The following PCDHGB5 variants were observed in gnomAD, a reference collection of about 807,000 sequenced individuals.
The protein encoded by PCDHGB5 is protocadherin gamma subfamily B, 5, also known as protocadherin gamma-B5.
PCDHGB5 carries 48 observed loss-of-function variants against 62.9 expected under a neutral mutation model. The ratio of observed to expected loss-of-function variants is 0.76; its 90% confidence interval spans 0.61 to 0.97. PCDHGB5 has a LOEUF of 0.97. Among genes scored for constraint, PCDHGB5 ranks in the 50% least tolerant of loss-of-function variants. The pLI, the probability that PCDHGB5 is intolerant of heterozygous loss-of-function variation, is 0.00. For missense variants in PCDHGB5, 1,118 were observed against 1,198.6 expected, an observed-to-expected ratio of 0.93 and a Z score of 0.99; for synonymous variants, 474 against 511.2, an observed-to-expected ratio of 0.93 and a Z score of 0.98.
chr5:141,421,082 C>A, intron 1 of PCDHGB5: 1 of 640,114 alleles, frequency 1.6e-6, no homozygotes, highest in Non-Finnish European at 2.6e-6. Flanking sequence ...TGGATACTCA[C>A]AGATCCTGAC....
chr5:141,489,126 T>A lies in PCDHGB5; in HGVS notation c.2398-5681T>A. ...TGCAAGCAGGCAAACCTCCGAGCAGTTTTTAAGAGGCTGGAAGGAGACATA... is the reference window on the plus strand; with the variant it reads ...TGCAAGCAGGCAAACCTCCGAGCAGATTTTAAGAGGCTGGAAGGAGACATA... On this transcript the variant is annotated intron_variant, in intron 1 of 3. Transcript: ENST00000617380. This position sits in a 1 kb window ranked among gnomAD's most constrained non-coding sequence, Gnocchi z 4.5. 1.7e-6 allele frequency: 1 copy of A among 585,136 alleles called. No individual in the cohort carries two copies. Among genetic ancestry groups the A allele is most frequent in the Non-Finnish European group, 2.7e-6 (1 of 375,012 alleles). The allele number at this position is 585,136 out of a possible 1,614,324, so 36.2% of individuals were successfully genotyped here.
chr5:141,409,825 G>T (rs748261010), intron 1 of PCDHGB5: 8 of 1,610,680 alleles, frequency 5.0e-6, no homozygotes, highest in Admixed American at 3.4e-5. Context: ...GCTCGCCCAC[G>T]CTCAGCGCCA....
chr5:141,485,151 T>G lies in PCDHGB5; in HGVS notation c.2398-9656T>G. The G allele has an allele frequency of 2.5e-6, 4 of 1,584,876 alleles. No individual in the cohort carries two copies. Among genetic ancestry groups the G allele is most frequent in the Non-Finnish European group, 3.5e-6 (4 of 1,156,528 alleles). ...GCTTCATCCGCGTCTCAGGAGCAAG[T>G]AGAGAATTAGCGGGCGGCAGCAATG... On this transcript the variant is annotated intron_variant, in intron 1 of 3. Coordinates refer to ENST00000617380, the MANE Select transcript of PCDHGB5 (RefSeq NM_018925.3). The surrounding 1 kb of genome is among the most constrained non-coding windows in gnomAD (Gnocchi z 5.7).
chr5:141,489,174 C>A lies in PCDHGB5; in HGVS notation c.2398-5633C>A. On this transcript the variant is annotated intron_variant, in intron 1 of 3. Coordinates refer to ENST00000617380, the MANE Select transcript of PCDHGB5 (RefSeq NM_018925.3). The surrounding 1 kb of genome is among the most constrained non-coding windows in gnomAD (Gnocchi z 4.5). ...ATAAGAGACTTCAGCTGCTGCATTC[C>A]AAGCCCTGGGTCTACCTTGGAGACA... The A allele has an allele frequency of 8.2e-7, 1 of 1,224,772 alleles. No individual in the cohort carries two copies. 75.9% of individuals were successfully genotyped at this position (1,224,772 alleles called of 1,614,324 possible).
chr5:141,505,614 A>G (rs2154593732), intron 3 of PCDHGB5, 133 bp downstream of exon 3: 1 of 1,510,758 alleles, frequency 6.6e-7, no homozygotes, highest in Non-Finnish European at 8.9e-7. Context: ...GTCTGAAAGG[A>G]CCCACAATTC....
rs1189175823 is a variant in PCDHGB5 at position 141,422,087 on chromosome 5, G to T, written c.2397+21563G>T. 2 of 1,611,966 alleles carry T rather than the reference G, an allele frequency of 1.2e-6. No individual in the cohort carries two copies. ...ATGTATTCATTTCGGAACATGGAAA[G>T]CAAGGCTTCTGAAATATTCCAATTG... is the stretch of plus-strand genomic sequence containing the variant. On this transcript the variant is annotated intron_variant, in intron 1 of 3. Transcript: ENST00000617380.
At position 141,421,041 on chromosome 5, in the gene PCDHGB5, C is replaced by T. The variant is rs963777669; in HGVS notation, c.2397+20517C>T. The T allele has an allele frequency of 1.8e-5, 10 of 546,514 alleles. No individual in the cohort carries two copies. The African/African-American group carries it at 1.9e-4, about 11-fold the overall frequency. 33.9% of individuals were successfully genotyped at this position (546,514 alleles called of 1,614,324 possible). A position where few individuals can be genotyped will look rare whatever the true frequency, so the allele number is the denominator to read the frequency against. ...CTGCGCGCCATTGAGTCCCTCCCTC[C>T]CCCGCCTCTACCACACAAAGCGGAA... On this transcript the variant is annotated intron_variant, in intron 1 of 3. Coordinates refer to ENST00000617380, the MANE Select transcript of PCDHGB5 (RefSeq NM_018925.3).
In PCDHGB5 at chr5:141,487,917, CTACAGTGCACAGGG is replaced by C; in HGVS notation, c.2398-6879_2398-6866del. On this transcript the variant is annotated intron_variant, in intron 1 of 3. Coordinates refer to ENST00000617380, the MANE Select transcript of PCDHGB5 (RefSeq NM_018925.3). The surrounding 1 kb of genome is among the most constrained non-coding windows in gnomAD (Gnocchi z 5.0). ...TGATGGAATGTGGGAGCACAGGAGG[CTACAGTGCACAGGG>C]TACAGTGCACCAGGCAGTCACTTGG... 1 of 647,994 alleles carries C rather than the reference CTACAGTGCACAGGG, an allele frequency of 1.5e-6. No homozygotes were observed. The highest frequency in any genetic ancestry group is 2.7e-6 in the Non-Finnish European group (1 of 377,182). 40.1% of individuals were successfully genotyped at this position (647,994 alleles called of 1,614,324 possible).
intron 1 of PCDHGB5, among the ~76,000 whole-genome samples, chr5:141,401,772 G>T (rs756327304): frequency 6.6e-6 from 1 of 152,126 alleles, no homozygotes; most frequent in Non-Finnish European, 1.5e-5. Context: ...TAAGTCTTTT[G>T]CTTGGTTTCC....
intron 1 of PCDHGB5, chr5:141,427,524 C>T (rs1421119651): frequency 1.6e-6 from 1 of 610,726 alleles, no homozygotes; most frequent in South Asian, 1.5e-5. Flanking sequence ...GGAGCGGATC[C>T]CGGAGTACAA....
In PCDHGB5 at chr5:141,415,739, G is replaced by GTTTT; in HGVS notation, c.2397+15215_2397+15216insTTTT. On this transcript the variant is annotated intron_variant, in intron 1 of 3. Transcript: ENST00000617380. The stretch of plus-strand genomic sequence containing the variant: ...ATGAGTAGAATTTGATGTTTATTAA[G>GTTTT]GTTTTTTTTTTTTTTTTTTTTTTTT... 9.2e-6 allele frequency: 4 copies of GTTTT among 434,946 alleles called. No homozygotes were observed. In the African/African-American group the frequency reaches 1.3e-4, roughly 14 times the overall value. 26.9% of individuals were successfully genotyped at this position (434,946 alleles called of 1,614,324 possible).
chr5:141,422,633 G>T lies in PCDHGB5; in HGVS notation c.2397+22109G>T, dbSNP rs769515606. 10 of 1,613,120 alleles carry T rather than the reference G, an allele frequency of 6.2e-6. No individual in the cohort carries two copies. In the East Asian group the frequency reaches 2.0e-4, roughly 32 times the overall value. ...TACATTCCCGAAAACAACCCCAGGG[G>T]TGCCTCCATCTTCTCAGTGACCGCC... On this transcript the variant is annotated intron_variant, in intron 1 of 3. Coordinates refer to ENST00000617380, the MANE Select transcript of PCDHGB5 (RefSeq NM_018925.3).
chr5:141,466,769 T>C (rs760924688), intron 1 of PCDHGB5, among the ~76,000 whole-genome samples: 1 of 152,198 alleles, frequency 6.6e-6, no homozygotes, highest in African/African-American at 2.4e-5. Flanking sequence ...CAAACTGTTA[T>C]CTTATTCTTC....
At chr5:141,417,340 C>T (rs981474163) in intron 1 of PCDHGB5, 2 of 152,874 alleles carry the variant, frequency 1.3e-5, no homozygotes, top group African/African-American at 4.8e-5. Context: ...GATAGGAGAC[C>T]TATAAACCTT....
rs1182148013 is a variant in PCDHGB5, at chr5:141,431,510, G to C, written c.2397+30986G>C. On this transcript the variant is annotated intron_variant, in intron 1 of 3. Transcript: ENST00000617380. This position sits in a 1 kb window ranked among gnomAD's most constrained non-coding sequence, Gnocchi z 4.8. ...TGCTCAGCCCGAGTACCGCGCGAGC[G>C]TTCCGGAGAATCTGGCCTTGGGCAC... 6.2e-7 allele frequency: 1 copy of C among 1,614,022 alleles called. No homozygotes were observed. The highest frequency in any genetic ancestry group is 8.5e-7 in the Non-Finnish European group (1 of 1,180,026).
At position 141,485,662 on chromosome 5, in the gene PCDHGB5, G is replaced by T. The variant is rs778404230; in HGVS notation, c.2398-9145G>T. ...AAAAGGCTCAGGATGCAGATGTGGG[G>T]AGCAATTCGATTAGCAGCTATAGGC... On this transcript the variant is annotated intron_variant, in intron 1 of 3. Coordinates refer to ENST00000617380, the MANE Select transcript of PCDHGB5 (RefSeq NM_018925.3). This position sits in a 1 kb window ranked among gnomAD's most constrained non-coding sequence, Gnocchi z 5.7. The T allele has an allele frequency of 1.1e-5, 18 of 1,612,748 alleles. No individual in the cohort carries two copies. The South Asian group carries it at 1.9e-4, about 17-fold the overall frequency.
intron 1 of PCDHGB5, chr5:141,424,513 T>C (rs1339689551): frequency 6.6e-6 from 1 of 152,224 alleles, no homozygotes; most frequent in Non-Finnish European, 1.5e-5. Context: ...GGTTTTTTAA[T>C]GTAGTAAATC....
intron 1 of PCDHGB5, chr5:141,471,533 G>C (rs921328911): frequency 1.3e-5 from 2 of 152,234 alleles, no homozygotes. Context: ...AGGAAGCTAT[G>C]ATAGCATTTA....
intron 1 of PCDHGB5, among the ~76,000 whole-genome samples, chr5:141,472,102 T>C (rs1231168102): frequency 6.6e-6 from 1 of 152,240 alleles, no homozygotes; most frequent in Non-Finnish European, 1.5e-5. Flanking sequence ...ATTCCCATTT[T>C]ATACATAAAG....
Sources: allele counts gnomAD v4.1 joint callset (sites outside exome capture counted in the v4.1 genomes callset), GRCh38; gene constraint gnomAD v4.1.1; non-coding constraint Gnocchi (gnomAD v3.1); transcripts MANE v1.5; gene names NCBI Gene and HGNC (gene_info 2026-07-23, HGNC 2026-07-21).